The following RSPH14 variants were observed in gnomAD, a reference collection of about 807,000 sequenced individuals.
The protein encoded by RSPH14 is radial spoke head 14 homolog, also known as rhabdoid tumor deletion region gene 1.
A neutral mutation model predicts 26.7 loss-of-function variants in RSPH14; 20 were observed. That is an observed-to-expected ratio of 0.75 (90% CI 0.53 to 1.09). The LOEUF (loss-of-function observed/expected upper bound fraction) is 1.09, where lower values mean the gene tolerates loss of function less well. RSPH14 is among the 50% of genes least tolerant of loss of function. The pLI, the probability that RSPH14 is intolerant of heterozygous loss-of-function variation, is 0.00. For missense variants in RSPH14, 449 were observed against 457.2 expected, an observed-to-expected ratio of 0.98 and a Z score of 0.16; for synonymous variants, 177 against 189.3, an observed-to-expected ratio of 0.93 and a Z score of 0.53.
In RSPH14 at chr22:23,059,423, C is replaced by A; in HGVS notation, c.*39G>T. 2 of 1,545,694 alleles carry A rather than the reference C, an allele frequency of 1.3e-6. No homozygotes were observed. The highest frequency in any genetic ancestry group is 1.8e-6 in the Non-Finnish European group (2 of 1,141,818). ...GCCATTCGGACCCGAGATAAAGAGA[C>A]TTAGCACATTTATTCACTCACAGAG... is the stretch of plus-strand genomic sequence containing the variant. On this transcript the variant is annotated 3_prime_UTR_variant, in exon 7 of 7. Coordinates refer to ENST00000216036, the MANE Select transcript of RSPH14 (RefSeq NM_014433.3).
the RSPH14 span, among the ~76,000 whole-genome samples, chr22:23,169,068 C>CT: frequency 6.6e-6 from 1 of 152,212 alleles, no homozygotes; most frequent in Non-Finnish European, 1.5e-5. Flanking sequence ...ATTCTCCTGA[C>CT]TGCAGGGACC....
At chr22:23,179,636 G>T in the RSPH14 span, 1 of 153,552 alleles carries the variant, frequency 6.5e-6, no homozygotes, top group Non-Finnish European at 1.5e-5. Context: ...AGGAAGGCAG[G>T]TGTGGGTATT....
At chr22:23,145,998 C>T (rs950809807), upstream of RSPH14, 1 of 985,280 alleles carries the variant, frequency 1.0e-6, no homozygotes, top group Admixed American at 6.1e-5. Flanking sequence ...ACTTCCACTG[C>T]CTGAGCTGTG....
At chr22:23,151,196 G>C in the RSPH14 span, among the ~76,000 whole-genome samples, 581 of 152,318 alleles carry the variant, frequency 3.8e-3, 5 homozygotes, top group African/African-American at 0.013. Context: ...AGCCGAAGTG[G>C]CCATGGTGGT....
chr22:23,142,907 C>A (rs2070626427), upstream of RSPH14, among the ~76,000 whole-genome samples: 2 of 152,328 alleles, frequency 1.3e-5, no homozygotes, highest in South Asian at 4.1e-4. Context: ...TCCAGCCATG[C>A]CAGACTCTCT....
chr22:23,144,854 G>A (rs2070686740), upstream of RSPH14: 1 of 153,750 alleles, frequency 6.5e-6, no homozygotes, highest in South Asian at 2.0e-4. Context: ...CTTCGAAGCT[G>A]GTTCCACGGT....
chr22:23,130,075 GAAAGAAAGGAAGAAAGAAAGAAA>G (rs1569192360), intron 4 of RSPH14, among the ~76,000 whole-genome samples: 12 of 28,592 alleles, frequency 4.2e-4, no homozygotes, highest in Admixed American at 3.4e-4. Flanking sequence ...AAGAAAGAAA[GAAAGAAAGGAAGAAAGAAAGAAA>G]GAAAGAAAGA....
chr22:23,091,298 G>A (rs1766701539), intron 4 of RSPH14, among the ~76,000 whole-genome samples: 1 of 152,032 alleles, frequency 6.6e-6, no homozygotes, highest in Admixed American at 6.6e-5. Flanking sequence ...ACACAAACAG[G>A]GACCTATGCA....
chr22:23,145,562 T>A, upstream of RSPH14: 1 of 1,596,560 alleles, frequency 6.3e-7, no homozygotes, highest in East Asian at 2.2e-5. Context: ...GTGAGTCAGC[T>A]CGCCCACTCT....
chr22:23,161,173 C>T, the RSPH14 span, among the ~76,000 whole-genome samples: 1 of 152,178 alleles, frequency 6.6e-6, no homozygotes, highest in African/African-American at 2.4e-5. Flanking sequence ...CCTCTGATTC[C>T]ACCTGCCAGG....
chr22:23,176,996 A>G, the RSPH14 span, among the ~76,000 whole-genome samples: 1 of 152,360 alleles, frequency 6.6e-6, no homozygotes, highest in East Asian at 1.9e-4. Context: ...GAACATGCCC[A>G]TGGTACTGGC....
chr22:23,123,614 T>C (rs2070093921), intron 4 of RSPH14: 1 of 597,778 alleles, frequency 1.7e-6, no homozygotes, highest in Non-Finnish European at 3.0e-6. Flanking sequence ...GATAGATTGC[T>C]AGGTAGATAG....
At chr22:23,166,467 TAAGC>T in the RSPH14 span, among the ~76,000 whole-genome samples, 1 of 151,726 alleles carries the variant, frequency 6.6e-6, no homozygotes, top group African/African-American at 2.4e-5. Context: ...GCTTTCTCCC[TAAGC>T]AACAGCTCCT....
the RSPH14 span, chr22:23,161,057 T>G: frequency 6.5e-7 from 1 of 1,540,230 alleles, no homozygotes; most frequent in African/African-American, 1.4e-5. Flanking sequence ...AAAATCCACA[T>G]GCGCCATCCT....
chr22:23,099,935 C>T (rs1163474797), intron 4 of RSPH14, among the ~76,000 whole-genome samples: 3 of 152,258 alleles, frequency 2.0e-5, no homozygotes, highest in Admixed American at 1.3e-4. Context: ...AGCTAATGGA[C>T]TCTGCTGGCC....
intron 3 of RSPH14, chr22:23,136,399 G>A: frequency 1.8e-6 from 1 of 564,510 alleles, no homozygotes; most frequent in Non-Finnish European, 3.3e-6. Context: ...GGCTCTGAAA[G>A]CTATTGACAT....
intron 1 of RSPH14, among the ~76,000 whole-genome samples, chr22:23,141,093 G>T (rs2146458349): frequency 6.6e-6 from 1 of 152,262 alleles, no homozygotes; most frequent in Admixed American, 6.5e-5. Flanking sequence ...ACTTTGGGAG[G>T]CCCGAGGCAG....
At chr22:23,160,860 C>A in the RSPH14 span, 1 of 1,610,026 alleles carries the variant, frequency 6.2e-7, no homozygotes, top group South Asian at 1.1e-5. Flanking sequence ...GAGGTCCCGG[C>A]TGTCTTGTGG....
the RSPH14 span, chr22:23,152,639 A>G: frequency 9.4e-7 from 1 of 1,060,418 alleles, no homozygotes; most frequent in East Asian, 2.5e-5. Context: ...GCTTCCAGGA[A>G]CTGCTGTGCC....
Sources: gnomAD v4.1 joint callset for allele counts (sites outside exome capture counted in the v4.1 genomes callset) on GRCh38, gnomAD v4.1.1 for gene constraint, MANE v1.5 for transcripts, NCBI Gene and HGNC (gene_info 2026-07-23, HGNC 2026-07-21) for gene names.